Variants in EPHB1 observed in about 807,000 individuals in gnomAD.
The protein encoded by EPHB1 is ephrin type-B receptor 1.
In EPHB1, 30 loss-of-function variants were observed where a neutral mutation model predicts 94.4. The observed-to-expected ratio is 0.32, with a 90% confidence interval of 0.24 to 0.43. EPHB1 has a LOEUF of 0.43. Among genes scored for constraint, EPHB1 ranks in the 20% least tolerant of loss-of-function variants. The pLI is 1.00. For missense variants in EPHB1, 1,055 were observed against 1,308.3 expected (o/e 0.81, Z 2.99); for synonymous variants, 522 against 489.1 (o/e 1.07, Z -0.89).
chr3:134,832,539 A>G lies in EPHB1; in HGVS notation c.58+36850A>G, dbSNP rs370332517. 6.6e-5 allele frequency among the ~76,000 whole-genome samples: 10 copies of G among 152,324 alleles called. 1 individual carries two copies. The highest frequency in any genetic ancestry group is 2.4e-4 in the African/African-American group (10 of 41,564). ...CACTGCTATGAGTTCCCCCTTACCC[A>G]CATACAAACTGTACCATTATTATGT... is the stretch of plus-strand genomic sequence containing the variant. On this transcript the variant is annotated intron_variant, in intron 1 of 15. Coordinates refer to ENST00000398015, the MANE Select transcript of EPHB1 (RefSeq NM_004441.5).
chr3:134,960,061 A>G (rs1050942542), intron 3 of EPHB1, among the ~76,000 whole-genome samples: 2 of 140,082 alleles, frequency 1.4e-5, no homozygotes, highest in East Asian at 4.6e-4. Flanking sequence ...ATGAAAAATT[A>G]TACTGAATCC....
chr3:135,110,258 T>C (rs1159884189), intron 4 of EPHB1, among the ~76,000 whole-genome samples: 4 of 152,248 alleles, frequency 2.6e-5, no homozygotes, highest in Non-Finnish European at 4.4e-5. Context: ...GCCTTGTTTC[T>C]TTTATTTCTT....
At chr3:134,879,688 G>C (rs1227560812) in intron 1 of EPHB1, among the ~76,000 whole-genome samples, 1 of 152,008 alleles carries the variant, frequency 6.6e-6, no homozygotes, top group Non-Finnish European at 1.5e-5. Flanking sequence ...ATTCAATGGA[G>C]GAAATTGGTC....
At chr3:134,879,039 C>T (rs989278534) in intron 1 of EPHB1, among the ~76,000 whole-genome samples, 1 of 152,194 alleles carries the variant, frequency 6.6e-6, no homozygotes, top group Admixed American at 6.5e-5. Flanking sequence ...AAGGGGCATG[C>T]CACTCCATGT....
At chr3:134,834,334 A>G in intron 1 of EPHB1, among the ~76,000 whole-genome samples, 1 of 152,136 alleles carries the variant, frequency 6.6e-6, no homozygotes, top group East Asian at 1.9e-4. Context: ...CGCACATGTG[A>G]TCTTCTGATC....
chr3:135,046,634 A>G (rs1576343015), intron 3 of EPHB1, among the ~76,000 whole-genome samples: 2 of 152,358 alleles, frequency 1.3e-5, no homozygotes. Context: ...ATTGAGAAAT[A>G]CAAATTCCCC....
At chr3:135,231,521 G>A (rs981068896) in intron 12 of EPHB1, among the ~76,000 whole-genome samples, 1 of 152,056 alleles carries the variant, frequency 6.6e-6, no homozygotes, top group Non-Finnish European at 1.5e-5. Flanking sequence ...ATTACCTTTC[G>A]CAGCATTGCA....
At chr3:135,054,976 G>C (rs1576349791) in intron 3 of EPHB1, among the ~76,000 whole-genome samples, 1 of 152,182 alleles carries the variant, frequency 6.6e-6, no homozygotes, top group Non-Finnish European at 1.5e-5. Flanking sequence ...TCAAAAATTT[G>C]AAAAGTGAGA....
At chr3:134,832,966 A>G (rs948190139) in intron 1 of EPHB1, among the ~76,000 whole-genome samples, 3 of 152,242 alleles carry the variant, frequency 2.0e-5, no homozygotes, top group Admixed American at 6.5e-5. Context: ...GGTCTTAGCA[A>G]TGACCAGTAA....
At chr3:135,013,374 G>T (rs1651442398) in intron 3 of EPHB1, among the ~76,000 whole-genome samples, 1 of 152,240 alleles carries the variant, frequency 6.6e-6, no homozygotes, top group African/African-American at 2.4e-5. Flanking sequence ...GTCATTGCCT[G>T]CCTGTCAGGG....
At chr3:134,843,595 G>T (rs564754186) in intron 1 of EPHB1, among the ~76,000 whole-genome samples, 2 of 151,706 alleles carry the variant, frequency 1.3e-5, no homozygotes, top group African/African-American at 4.8e-5. Flanking sequence ...CTGTTCTTTG[G>T]ACATGATAAT....
chr3:134,862,539 T>G (rs2037289574), intron 1 of EPHB1, among the ~76,000 whole-genome samples: 1 of 149,506 alleles, frequency 6.7e-6, no homozygotes, highest in Non-Finnish European at 1.5e-5. Context: ...TCAATTAGAG[T>G]AAAACTTTAA....
At chr3:134,864,222 C>A (rs765337134) in intron 1 of EPHB1, among the ~76,000 whole-genome samples, 1 of 152,168 alleles carries the variant, frequency 6.6e-6, no homozygotes, top group Non-Finnish European at 1.5e-5. Context: ...CACCTCCTTT[C>A]TTTTCATCCC....
chr3:134,969,227 A>G (rs1204504434), intron 3 of EPHB1, among the ~76,000 whole-genome samples: 1 of 152,186 alleles, frequency 6.6e-6, no homozygotes, highest in Non-Finnish European at 1.5e-5. Context: ...ATGGTATCTC[A>G]TGGTGATATT....
At chr3:135,133,216 G>A (rs1940488484) in intron 5 of EPHB1, among the ~76,000 whole-genome samples, 167 bp downstream of exon 5, 1 of 152,234 alleles carries the variant, frequency 6.6e-6, no homozygotes, top group African/African-American at 2.4e-5. Flanking sequence ...GAGCAGGCAG[G>A]TGTAGTGTTG....
At chr3:135,203,692 C>T (rs1030811032) in intron 12 of EPHB1, among the ~76,000 whole-genome samples, 3 of 152,196 alleles carry the variant, frequency 2.0e-5, no homozygotes, top group African/African-American at 7.2e-5. Flanking sequence ...TAATTTTCAA[C>T]AATTAGGTGT....
intron 2 of EPHB1, among the ~76,000 whole-genome samples, chr3:134,937,879 T>C (rs1008482464): frequency 1.5e-4 from 22 of 151,234 alleles, no homozygotes; most frequent in African/African-American, 4.6e-4. Context: ...CTGCCGCCGT[T>C]GCCATAGTGA....
rs571820800 is a variant in EPHB1 at position 134,797,180 on chromosome 3, G to C, written c.58+1491G>C. On this transcript the variant is annotated intron_variant, in intron 1 of 15. Transcript: ENST00000398015. ...TGCCCTCAGTCTCCTGCTTCCCTCA[G>C]GGACTGCTGGGCTTTGTAGGGAGGG... is the stretch of plus-strand genomic sequence containing the variant. Among the ~76,000 whole-genome samples, 263 of 152,310 alleles carry C rather than the reference G, an allele frequency of 1.7e-3. 1 individual carries two copies. The highest frequency in any genetic ancestry group is 3.0e-3 in the Non-Finnish European group (206 of 68,022).
intron 3 of EPHB1, among the ~76,000 whole-genome samples, chr3:134,984,828 C>T (rs532373951): frequency 2.0e-5 from 3 of 151,838 alleles, no homozygotes; most frequent in South Asian, 2.1e-4. Flanking sequence ...GAACTGAGTG[C>T]GGGGGCTAGG....
Sources: allele counts gnomAD v4.1 joint callset (sites outside exome capture counted in the v4.1 genomes callset), GRCh38; gene constraint gnomAD v4.1.1; transcripts MANE v1.5; gene names NCBI Gene and HGNC (gene_info 2026-07-23, HGNC 2026-07-21).